The following CORO7 variants were observed in gnomAD, a reference collection of about 807,000 sequenced individuals.
CORO7 encodes coronin-7.
Under a neutral mutation model 126.6 loss-of-function variants are expected in CORO7, and 107 were observed. The ratio of observed to expected loss-of-function variants is 0.85; its 90% CI spans 0.72 to 0.99. The LOEUF (loss-of-function observed/expected upper bound fraction) is 0.99, where lower values mean the gene tolerates loss of function less well. Ranked by LOEUF, CORO7 falls within the 50% of genes least tolerant of loss-of-function variation. CORO7 has a pLI of 0.00. For synonymous variants in CORO7, 603 were observed against 536.8 expected (o/e 1.12, Z -1.70); for missense variants, 1,314 against 1,255.8 (o/e 1.05, Z -0.70).
intron 1 of CORO7, 33 bp downstream of exon 1, chr16:4,416,426 G>C: frequency 6.5e-7 from 1 of 1,544,754 alleles, no homozygotes; most frequent in Non-Finnish European, 8.7e-7. Context: ...CGGGGCCCGA[G>C]GCGACAGCGC....
chr16:4,359,151 C>T (rs2054075674), intron 23 of CORO7, 145 bp downstream of exon 23: 2 of 842,116 alleles, frequency 2.4e-6, no homozygotes, highest in Admixed American at 3.2e-5. Flanking sequence ...ACTCTTCTTG[C>T]CAGTCACTGG....
intron 14 of CORO7, chr16:4,363,037 T>A (rs2054233938): frequency 3.2e-6 from 1 of 316,906 alleles, no homozygotes; most frequent in Admixed American, 5.0e-5. Context: ...TCTAGATCTG[T>A]ATGAAAATTC....
At position 4,408,052 on chromosome 16, in the gene CORO7, G is replaced by A. The variant is rs530168591; in HGVS notation, c.303+129C>T. 231 of 1,382,518 alleles carry A rather than the reference G, an allele frequency of 1.7e-4. 5 individuals are homozygous for A. The South Asian group carries it at 2.1e-3, about 12-fold the overall frequency. The allele number at this position is 1,382,518 out of a possible 1,614,324, so 85.6% of individuals were successfully genotyped here. ...GGGACCAGGAATTCAGACCAGCCCCGCAGCCCTGGGGAGTGGGGTGGGGCT... is the reference window on the plus strand; with the variant it reads ...GGGACCAGGAATTCAGACCAGCCCCACAGCCCTGGGGAGTGGGGTGGGGCT... On this transcript the variant is annotated intron_variant, in intron 4 of 27. Coordinates refer to ENST00000251166, the MANE Select transcript of CORO7 (RefSeq NM_024535.5).
chr16:4,415,271 C>T (rs2056365311), intron 1 of CORO7, among the ~76,000 whole-genome samples: 1 of 152,166 alleles, frequency 6.6e-6, no homozygotes. Context: ...CTGCTCCGGC[C>T]ATCCCCTCCA....
At chr16:4,383,934 C>CG (rs1370432300) in intron 9 of CORO7, among the ~76,000 whole-genome samples, 2 of 152,198 alleles carry the variant, frequency 1.3e-5, no homozygotes, top group Non-Finnish European at 2.9e-5. Flanking sequence ...TGGATGGTCC[C>CG]GGGAGCAAGT....
intron 6 of CORO7, among the ~76,000 whole-genome samples, chr16:4,404,041 A>G (rs1251232150): frequency 6.6e-6 from 1 of 152,062 alleles, no homozygotes; most frequent in African/African-American, 2.4e-5. Context: ...GTCTCTCAGG[A>G]CTCTCTGCTC....
At chr16:4,398,785 T>C (rs995346292) in intron 6 of CORO7, among the ~76,000 whole-genome samples, 60 of 151,990 alleles carry the variant, frequency 3.9e-4, no homozygotes, top group African/African-American at 5.1e-4. Context: ...GTGGCCAACA[T>C]AGTGAAACTC....
Position 4,395,281 on chromosome 16 carries a change from C to G in CORO7, c.615+8G>C, listed in dbSNP as rs1404977919. On this transcript the variant is annotated splice_region_variant and intron_variant, in intron 7 of 27. Transcript: ENST00000251166. ...TTCAACCCACCCCAGCTTGCCCACA[C>G]AACTCACCTGAGAGGCCCGCGGCTT... The G allele has an allele frequency of 6.2e-7, 1 of 1,614,068 alleles. No individual in the cohort carries two copies. The highest frequency in any genetic ancestry group is 1.3e-5 in the African/African-American group (1 of 75,062).
chr16:4,403,286 A>G (rs1389932352), intron 6 of CORO7, among the ~76,000 whole-genome samples: 1 of 152,068 alleles, frequency 6.6e-6, no homozygotes, highest in African/African-American at 2.4e-5. Flanking sequence ...CCGGCTCCAT[A>G]CTGCCAGGGT....
chr16:4,365,611 G>A, intron 9 of CORO7, 66 bp from the exon 10 acceptor site: 1 of 1,546,070 alleles, frequency 6.5e-7, no homozygotes, highest in Non-Finnish European at 8.7e-7. Flanking sequence ...GTAACCCCAT[G>A]TAGGAGCCCA....
Position 4,387,968 on chromosome 16 carries a change from G to A in CORO7, c.785+18C>T. On this transcript the variant is annotated intron_variant, in intron 9 of 27. Transcript: ENST00000251166. ...GGGTCATCAGCCCCCCAGCCCACCTGCGTGCCGCAGCTCCTACCCAAGCGA... is the reference window on the plus strand; with the variant it reads ...GGGTCATCAGCCCCCCAGCCCACCTACGTGCCGCAGCTCCTACCCAAGCGA... 6.2e-7 allele frequency: 1 copy of A among 1,612,296 alleles called. No homozygotes were observed. The highest frequency in any genetic ancestry group is 8.5e-7 in the Non-Finnish European group (1 of 1,179,616).
At chr16:4,392,794 G>A (rs550935793) in intron 7 of CORO7, among the ~76,000 whole-genome samples, 2 of 152,238 alleles carry the variant, frequency 1.3e-5, no homozygotes, top group East Asian at 3.8e-4. Context: ...GGGCGGAAGT[G>A]GGGGGCAGGG....
chr16:4,407,628 C>T lies in CORO7; in HGVS notation c.360G>A (p.Val120=), dbSNP rs1271993167. Residue 120 remains valine (V), a synonymous_variant, in exon 5 of 28, where the codon GTG becomes GTA. Transcript: ENST00000251166. ...PGQALPSAPG[V]VLGPEDLPVE... is the part of the protein sequence containing the mutation. ...CTGGGAGGTCCTCGGGGCCCAGCAC[C>T]ACCCCGGGTGCTGAGGGCAGGGCCT... The T allele has an allele frequency of 3.1e-6, 5 of 1,607,628 alleles. No homozygotes were observed. Among genetic ancestry groups the T allele is most frequent in the Non-Finnish European group, 8.5e-7 (1 of 1,177,478 alleles).
intron 4 of CORO7, 77 bp from the exon 5 acceptor site, chr16:4,407,761 G>A: frequency 2.0e-6 from 3 of 1,466,306 alleles, no homozygotes; most frequent in South Asian, 1.4e-5. Context: ...ACCCCAGTGA[G>A]GTCCCGTGTT....
At position 4,355,371 on chromosome 16, in the gene CORO7, A is replaced by G; in HGVS notation, c.2687T>C (p.Leu896Pro). The G allele has an allele frequency of 6.2e-7, 1 of 1,609,340 alleles. No individual in the cohort carries two copies. The highest frequency in any genetic ancestry group is 8.5e-7 in the Non-Finnish European group (1 of 1,179,414). ...EKSDQQKKEE[L>P]LNAMVAKLGN... Reference sequence around the variant, plus strand: ...CAGTTTTGCCACCATGGCATTCAGCAGCTGGGAGAGAGGGCAGAAGAAGGG... The same window carrying G: ...CAGTTTTGCCACCATGGCATTCAGCGGCTGGGAGAGAGGGCAGAAGAAGGG... The change falls in exon 27 of 28, where the codon CTG (leucine) becomes CCG (proline). Residue 896 changes from leucine (L) to proline (P), a missense_variant and splice_region_variant. Transcript: ENST00000251166.
intron 7 of CORO7, among the ~76,000 whole-genome samples, chr16:4,392,730 C>G (rs1268556620): frequency 2.0e-5 from 3 of 152,248 alleles, no homozygotes; most frequent in Admixed American, 1.3e-4. Flanking sequence ...CACACCGGCC[C>G]TGGCTGCCAG....
intron 1 of CORO7, chr16:4,415,880 A>G: frequency 2.0e-6 from 2 of 985,524 alleles, no homozygotes; most frequent in Non-Finnish European, 2.4e-6. Flanking sequence ...CAGCCGTGGC[A>G]GCATCACCGA....
At chr16:4,360,161 A>T in intron 21 of CORO7, 117 bp downstream of exon 21, 1 of 1,354,558 alleles carries the variant, frequency 7.4e-7, no homozygotes, top group South Asian at 1.3e-5. Flanking sequence ...CCACCCACCC[A>T]ACCATCCAGT....
At chr16:4,414,032 C>A (rs1281660321) in intron 1 of CORO7, among the ~76,000 whole-genome samples, 1 of 151,354 alleles carries the variant, frequency 6.6e-6, no homozygotes, top group Non-Finnish European at 1.5e-5. Context: ...ACTAAAAATA[C>A]AAAAATTATC....
Sources: allele counts gnomAD v4.1 joint callset (sites outside exome capture counted in the v4.1 genomes callset), GRCh38; gene constraint gnomAD v4.1.1; transcripts MANE v1.5; gene names NCBI Gene and HGNC (gene_info 2026-07-23, HGNC 2026-07-21).